The following MALRD1 variants were observed in gnomAD, a reference collection of about 807,000 sequenced individuals.
MALRD1 encodes MAM and LDL receptor class A domain containing 1, also known as MAM and LDL-receptor class A domain-containing protein 1.
Under a neutral mutation model 242.1 loss-of-function variants are expected in MALRD1, and 247 were observed. The observed-to-expected ratio is 1.02, with a 90% CI of 0.92 to 1.13. The LOEUF is 1.13. Ranked by LOEUF, MALRD1 falls within the 50% of genes most tolerant of loss-of-function variation. The pLI, the probability that MALRD1 is intolerant of heterozygous loss-of-function variation, is 0.00. For missense variants in MALRD1, 2,989 were observed against 2,533.1 expected (o/e 1.18, Z -3.86); for synonymous variants, 995 against 866.6 (o/e 1.15, Z -2.60).
intron 23 of MALRD1, among the ~76,000 whole-genome samples, chr10:19,329,871 G>T (rs567736105): frequency 4.6e-5 from 7 of 152,166 alleles, no homozygotes; most frequent in Admixed American, 1.3e-4. Flanking sequence ...TATAAGTGAT[G>T]ATTTGATTAT....
intron 29 of MALRD1, among the ~76,000 whole-genome samples, chr10:19,486,870 A>G (rs1837258812): frequency 1.3e-5 from 2 of 152,160 alleles, no homozygotes; most frequent in Non-Finnish European, 2.9e-5. Context: ...ACTAGTTTTC[A>G]ATTGATGTCA....
At chr10:19,185,846 A>T (rs1417157566) in intron 14 of MALRD1, among the ~76,000 whole-genome samples, 1 of 107,562 alleles carries the variant, frequency 9.3e-6, no homozygotes, top group Non-Finnish European at 2.1e-5. Flanking sequence ...TGTGTGTGTT[A>T]GTCTTTGAAT....
At chr10:19,163,460 A>G (rs951729275) in intron 12 of MALRD1, among the ~76,000 whole-genome samples, 3 of 148,306 alleles carry the variant, frequency 2.0e-5, no homozygotes, top group Non-Finnish European at 3.0e-5. Context: ...AATAAGAACA[A>G]TGAACACAAA....
intron 13 of MALRD1, among the ~76,000 whole-genome samples, chr10:19,170,720 T>C (rs1159058727): frequency 2.0e-5 from 3 of 152,148 alleles, no homozygotes; most frequent in Non-Finnish European, 4.4e-5. Flanking sequence ...TGCAGGATAG[T>C]ATAATCATTA....
At chr10:19,481,206 A>G (rs1044827570) in intron 29 of MALRD1, among the ~76,000 whole-genome samples, 2 of 152,182 alleles carry the variant, frequency 1.3e-5, no homozygotes, top group African/African-American at 2.4e-5. Flanking sequence ...GCACTAATAC[A>G]TGGTCCAGTA....
chr10:19,558,617 A>AT (rs1564439757), intron 32 of MALRD1, among the ~76,000 whole-genome samples: 1 of 152,122 alleles, frequency 6.6e-6, no homozygotes, highest in East Asian at 1.9e-4. Context: ...CTTTTCTTCC[A>AT]TTGCTGAATT....
At chr10:19,074,748 T>A (rs916989686) in intron 2 of MALRD1, among the ~76,000 whole-genome samples, 1 of 152,084 alleles carries the variant, frequency 6.6e-6, no homozygotes, top group Admixed American at 6.6e-5. Context: ...TTTCTATGCA[T>A]CATTTGCTTT....
intron 31 of MALRD1, among the ~76,000 whole-genome samples, chr10:19,528,950 T>G (rs1414136761): frequency 6.6e-6 from 1 of 152,160 alleles, no homozygotes; most frequent in East Asian, 1.9e-4. Context: ...GGACAAGTAC[T>G]GGTGTAGGAA....
At chr10:19,691,359 C>A (rs1842812648) in intron 36 of MALRD1, among the ~76,000 whole-genome samples, 1 of 152,016 alleles carries the variant, frequency 6.6e-6, no homozygotes, top group South Asian at 2.1e-4. Context: ...TTTGAGCATA[C>A]AAATTTTCAA....
intron 36 of MALRD1, among the ~76,000 whole-genome samples, chr10:19,627,669 G>A (rs747429804): frequency 9.3e-5 from 14 of 150,338 alleles, no homozygotes; most frequent in African/African-American, 3.4e-4. Flanking sequence ...GCTGGAGTAG[G>A]AGAATCACTT....
rs1163394852 is a variant in MALRD1 at position 19,209,568 on chromosome 10, A to G, written c.2879A>G (p.Tyr960Cys). The G allele has an allele frequency of 4.5e-6, 7 of 1,550,858 alleles. No homozygotes were observed. Among genetic ancestry groups the G allele is most frequent in the East Asian group, 2.4e-5 (1 of 40,928 alleles). ...AAGCGCATTTATAGGTTGGCAATCTACCAACGAATCTGGAGTGACTCAAGG... is the reference window on the plus strand; with the variant it reads ...AAGCGCATTTATAGGTTGGCAATCTGCCAACGAATCTGGAGTGACTCAAGG... ...FGKRIYRLAI[Y>C]QRIWSDSRGQ... The change falls in exon 18 of 40, where the codon TAC becomes TGC. Residue 960 changes from tyrosine (Y) to cysteine (C), a missense_variant. Physicochemically the swap from Tyr to Cys is radical, Grantham distance 194. Transcript: ENST00000454679.
At chr10:19,577,369 C>T (rs1402228949) in intron 33 of MALRD1, among the ~76,000 whole-genome samples, 3 of 152,086 alleles carry the variant, frequency 2.0e-5, no homozygotes, top group African/African-American at 7.2e-5. Context: ...GATTTGAAGG[C>T]AAAAACATTA....
In MALRD1 at chr10:19,333,101, G is replaced by T. The variant is rs146829509; in HGVS notation, c.3901+1519G>T. On this transcript the variant is annotated intron_variant, in intron 24 of 39. Transcript: ENST00000454679. Reference sequence around the variant, plus strand: ...TTAGAACTCAAGTATTTTGATTTATGATCCAATGTTTTGCCCAAGCTACCA... The same window carrying T: ...TTAGAACTCAAGTATTTTGATTTATTATCCAATGTTTTGCCCAAGCTACCA... Among the ~76,000 whole-genome samples the T allele has an allele frequency of 2.0e-5, 3 of 151,408 alleles. No homozygotes were observed. The East Asian group carries it at 5.8e-4, about 29-fold the overall frequency.
intron 37 of MALRD1, 38 bp downstream of exon 37, chr10:19,692,399 G>C: frequency 6.5e-7 from 1 of 1,531,672 alleles, no homozygotes; most frequent in South Asian, 1.2e-5. Flanking sequence ...GCTTGGTTTG[G>C]GGTGGTCTCT....
intron 36 of MALRD1, among the ~76,000 whole-genome samples, chr10:19,634,081 T>G (rs1840025699): frequency 6.6e-6 from 1 of 152,018 alleles, no homozygotes; most frequent in African/African-American, 2.4e-5. Flanking sequence ...CCTCAAGTGA[T>G]CCTCCCACTT....
At chr10:19,504,629 A>G (rs1838116706) in intron 31 of MALRD1, among the ~76,000 whole-genome samples, 1 of 150,330 alleles carries the variant, frequency 6.7e-6, no homozygotes, top group Non-Finnish European at 1.5e-5. Context: ...ACACACACAC[A>G]TATACAAAAA....
At chr10:19,047,626 G>A (rs573685930), upstream of MALRD1, among the ~76,000 whole-genome samples, 177 of 152,156 alleles carry the variant, frequency 1.2e-3, no homozygotes, top group African/African-American at 3.9e-3. Flanking sequence ...AAACAGAGGG[G>A]TAAGAAGAAT....
At position 19,530,334 on chromosome 10, in the gene MALRD1, T is replaced by TTTATATA. The variant is rs1554793375; in HGVS notation, c.5321-860_5321-859insTTATATA. 5.8e-4 allele frequency among the ~76,000 whole-genome samples: 20 copies of TTTATATA among 34,612 alleles called. No individual in the cohort carries two copies. In the East Asian group the frequency reaches 0.013, roughly 22 times the overall value. 22.7% of individuals were successfully genotyped at this position (34,612 alleles called of 152,430 possible). A position where few individuals can be genotyped will look rare whatever the true frequency, so the allele number is the denominator to read the frequency against. Reference sequence around the variant, plus strand: ...AAATGTTGAAATTTATATAAATATATAATATTTATATAAATATATAATATT... The same window carrying TTTATATA: ...AAATGTTGAAATTTATATAAATATATTTATATAAATATTTATATAAATATATAATATT... On this transcript the variant is annotated intron_variant, in intron 31 of 39. Transcript: ENST00000454679.
chr10:19,479,951 T>C (rs1325072854), intron 29 of MALRD1, among the ~76,000 whole-genome samples: 1 of 152,152 alleles, frequency 6.6e-6, no homozygotes, highest in Admixed American at 6.5e-5. Flanking sequence ...GGGTTAGAAC[T>C]CAGCCTCATG....
Sources: allele counts gnomAD v4.1 joint callset (sites outside exome capture counted in the v4.1 genomes callset), GRCh38; gene constraint gnomAD v4.1.1; transcripts MANE v1.5; gene names NCBI Gene and HGNC (gene_info 2026-07-23, HGNC 2026-07-21).